BTBD9: variants seen among roughly 807,000 people sequenced by gnomAD.
The protein encoded by BTBD9 is BTB/POZ domain-containing protein 9.
A neutral mutation model predicts 64.3 loss-of-function variants in BTBD9; 49 were observed. The ratio of observed to expected loss-of-function variants is 0.76; its 90% CI spans 0.61 to 0.97. The LOEUF is 0.97. Ranked by LOEUF, BTBD9 falls within the 50% of genes least tolerant of loss-of-function variation. The pLI, the probability that BTBD9 is intolerant of heterozygous loss-of-function variation, is 0.00. For missense variants in BTBD9, 598 were observed against 762.1 expected, an observed-to-expected ratio of 0.78 and a Z score of 2.53; for synonymous variants, 260 against 274.7, an observed-to-expected ratio of 0.95 and a Z score of 0.53.
intron 6 of BTBD9, among the ~76,000 whole-genome samples, chr6:38,554,195 A>G (rs977122712): frequency 2.0e-5 from 3 of 152,318 alleles, no homozygotes; most frequent in Admixed American, 6.5e-5. Flanking sequence ...TCAGTCACAC[A>G]TCATACTTTT....
At chr6:38,402,616 A>G (rs1766982323) in intron 6 of BTBD9, among the ~76,000 whole-genome samples, 1 of 152,232 alleles carries the variant, frequency 6.6e-6, no homozygotes, top group South Asian at 2.1e-4. Flanking sequence ...TGTCCAATAC[A>G]AAAGAATGAA....
chr6:38,511,085 T>C (rs1772751575), intron 6 of BTBD9, among the ~76,000 whole-genome samples: 1 of 152,160 alleles, frequency 6.6e-6, no homozygotes, highest in South Asian at 2.1e-4. Context: ...GGCTATGACA[T>C]CACTAGGAGT....
intron 6 of BTBD9, among the ~76,000 whole-genome samples, chr6:38,356,069 A>AT (rs922617307): frequency 1.3e-5 from 2 of 152,082 alleles, no homozygotes; most frequent in Non-Finnish European, 2.9e-5. Flanking sequence ...ATGATACCAG[A>AT]TCAGGTTATT....
At chr6:38,362,689 G>A (rs1765010859) in intron 6 of BTBD9, among the ~76,000 whole-genome samples, 1 of 152,162 alleles carries the variant, frequency 6.6e-6, no homozygotes, top group South Asian at 2.1e-4. Context: ...ATATACTGGT[G>A]GGATAACATT....
intron 6 of BTBD9, among the ~76,000 whole-genome samples, chr6:38,381,628 C>A (rs1198260233): frequency 6.6e-6 from 1 of 152,038 alleles, no homozygotes; most frequent in African/African-American, 2.4e-5. Context: ...TTCTCAATAA[C>A]TGAAAAATAT....
At chr6:38,393,468 A>C (rs1766527822) in intron 6 of BTBD9, among the ~76,000 whole-genome samples, 1 of 151,964 alleles carries the variant, frequency 6.6e-6, no homozygotes, top group African/African-American at 2.4e-5. Context: ...AACAGAAAGA[A>C]CTTATTCAAC....
chr6:38,287,107 T>TAC (rs1468141515), intron 8 of BTBD9, among the ~76,000 whole-genome samples: 57 of 57,560 alleles, frequency 9.9e-4, no homozygotes, highest in African/African-American at 1.7e-3. Context: ...AAAAAAAAAA[T>TAC]ATACACACAC....
intron 8 of BTBD9, among the ~76,000 whole-genome samples, chr6:38,265,853 A>G (rs1310002823): frequency 6.6e-6 from 1 of 152,206 alleles, no homozygotes; most frequent in Admixed American, 6.5e-5. Context: ...AACTAAGACC[A>G]TCTTTTCACT....
intron 6 of BTBD9, among the ~76,000 whole-genome samples, chr6:38,564,087 T>C (rs187589283): frequency 2.0e-5 from 3 of 152,150 alleles, no homozygotes; most frequent in African/African-American, 7.2e-5. Flanking sequence ...TGGCCTTGCC[T>C]ATCTAACTCT....
rs143360063 is a variant in BTBD9 at position 38,398,796 on chromosome 6, A to G, written c.1155-53703T>C. ...CCATTTTTTCCTAATTTATTCTTAT[A>G]CCCATTTAAACATATAATTATTTAA... On this transcript the variant is annotated intron_variant, in intron 6 of 10. Coordinates refer to ENST00000481247, the MANE Select transcript of BTBD9 (RefSeq NM_001099272.2). Among the ~76,000 whole-genome samples, 4 of 152,312 alleles carry G rather than the reference A, an allele frequency of 2.6e-5. No individual in the cohort carries two copies. The East Asian group carries it at 7.7e-4, about 29-fold the overall frequency.
intron 1 of BTBD9, chr6:38,612,853 C>T (rs1036673552): frequency 3.3e-5 from 5 of 152,142 alleles, no homozygotes; most frequent in African/African-American, 1.2e-4. Context: ...TTTCAATTGC[C>T]TTATCTGCTG....
chr6:38,567,870 A>G (rs1562351452), intron 6 of BTBD9, among the ~76,000 whole-genome samples: 1 of 152,140 alleles, frequency 6.6e-6, no homozygotes, highest in Non-Finnish European at 1.5e-5. Flanking sequence ...TTTGTTTCCT[A>G]TTATTTCCTT....
intron 8 of BTBD9, among the ~76,000 whole-genome samples, chr6:38,276,404 C>T (rs994917202): frequency 9.2e-5 from 14 of 151,444 alleles, no homozygotes; most frequent in Non-Finnish European, 1.9e-4. Flanking sequence ...TGCTAAATGA[C>T]GAGTTAATGG....
chr6:38,210,064 C>T (rs1391539140), intron 9 of BTBD9, among the ~76,000 whole-genome samples: 3 of 152,058 alleles, frequency 2.0e-5, no homozygotes, highest in Non-Finnish European at 2.9e-5. Flanking sequence ...TGAATGACTA[C>T]GTGGGGAGAC....
chr6:38,193,718 C>T, intron 9 of BTBD9: 1 of 707,010 alleles, frequency 1.4e-6, no homozygotes, highest in Non-Finnish European at 1.7e-6. Flanking sequence ...CTCCTCCGCT[C>T]TCACAGTGGA....
intron 6 of BTBD9, among the ~76,000 whole-genome samples, chr6:38,505,164 C>T (rs1772408901): frequency 6.6e-6 from 1 of 152,146 alleles, no homozygotes; most frequent in Non-Finnish European, 1.5e-5. Flanking sequence ...ACTGGCATTC[C>T]TCAGGGCTTA....
intron 7 of BTBD9, among the ~76,000 whole-genome samples, chr6:38,321,290 T>C (rs542966068): frequency 6.6e-6 from 1 of 152,262 alleles, no homozygotes; most frequent in African/African-American, 2.4e-5. Context: ...TCCATTCTTC[T>C]TGGGGAAAGG....
chr6:38,288,406 G>A lies in BTBD9; in HGVS notation c.1320C>T (p.Val440=). Residue 440 remains valine (V), a synonymous_variant, in exon 8 of 11, where the codon GTC becomes GTT. Coordinates refer to ENST00000481247, the MANE Select transcript of BTBD9 (RefSeq NM_001099272.2). ...TCAGCAAGGCATTTCGGCTCCGACT[G>A]ACTCCTTCAATCACACTGGCACAAT... ...IADCASVIEG[V]SRSRNALLNG... 2 of 1,614,002 alleles carry A rather than the reference G, an allele frequency of 1.2e-6. No individual in the cohort carries two copies. The highest frequency in any genetic ancestry group is 1.7e-6 in the Non-Finnish European group (2 of 1,179,970).
rs531193018 is a variant in BTBD9, at chr6:38,412,643, G to A, written c.1155-67550C>T. Among the ~76,000 whole-genome samples, 265 of 151,566 alleles carry A rather than the reference G, an allele frequency of 1.7e-3. 2 individuals carry two copies. The highest frequency in any genetic ancestry group is 6.0e-3 in the African/African-American group (249 of 41,298). On this transcript the variant is annotated intron_variant, in intron 6 of 10. Coordinates refer to ENST00000481247, the MANE Select transcript of BTBD9 (RefSeq NM_001099272.2). ...GGAGGCTAAGGTAGGCAGATCAAAC[G>A]AGGTCAGGAGTTTGAGACCAGCCTG...
Sources: allele counts gnomAD v4.1 joint callset (sites outside exome capture counted in the v4.1 genomes callset), GRCh38; gene constraint gnomAD v4.1.1; transcripts MANE v1.5; gene names NCBI Gene and HGNC (gene_info 2026-07-23, HGNC 2026-07-21).